IRS1: variants seen among roughly 807,000 people sequenced by gnomAD.
The protein encoded by IRS1 is insulin receptor substrate 1.
Under a neutral mutation model 65.6 loss-of-function variants are expected in IRS1, and 34 were observed. The observed-to-expected ratio is 0.52, with a 90% CI of 0.39 to 0.69. The LOEUF (loss-of-function observed/expected upper bound fraction) is 0.69, where lower values mean the gene tolerates loss of function less well. Ranked by LOEUF, IRS1 falls within the 30% of genes least tolerant of loss-of-function variation. IRS1 has a pLI of 0.00. For missense variants in IRS1, 1,641 were observed against 1,720.2 expected (o/e 0.95, Z 0.81); for synonymous variants, 699 against 683.5 (o/e 1.02, Z -0.35).
intron 1 of IRS1, among the ~76,000 whole-genome samples, chr2:226,785,941 C>A (rs150498671): frequency 7.8e-6 from 1 of 127,568 alleles, no homozygotes; most frequent in Non-Finnish European, 1.6e-5. Flanking sequence ...CCCCTTCCTG[C>A]GTCCATGTGA....
At chr2:226,782,150 G>T (rs75992938) in intron 1 of IRS1, among the ~76,000 whole-genome samples, 1,702 of 152,110 alleles carry the variant, frequency 0.011, 72 homozygotes, top group Admixed American at 0.082. Flanking sequence ...GGTGGGTTAG[G>T]GGGGTGGACT....
At position 226,796,612 on chromosome 2, in the gene IRS1, A is replaced by G. The variant is rs1472015259; in HGVS notation, c.2127T>C (p.His709=). 2 of 1,613,888 alleles carry G rather than the reference A, an allele frequency of 1.2e-6. No individual in the cohort carries two copies. The highest frequency in any genetic ancestry group is 1.3e-5 in the African/African-American group (1 of 74,920). The stretch of plus-strand genomic sequence containing the variant: ...CTGGGGGTTTGGGGTGAGGCAAGAC[A>G]TGAGAGTGGTGGCCCCCTACCCCGT... ...WTNGVGGHHS[H]VLPHPKPPVE... Residue 709 remains histidine, a synonymous_variant, in exon 1 of 2, where the codon CAT becomes CAC. Transcript: ENST00000305123.
At chr2:226,763,973 G>A (rs925097286) in intron 1 of IRS1, among the ~76,000 whole-genome samples, 2 of 151,972 alleles carry the variant, frequency 1.3e-5, no homozygotes, top group African/African-American at 4.8e-5. Flanking sequence ...TATGACCGTT[G>A]TATAGTAAAT....
intron 1 of IRS1, among the ~76,000 whole-genome samples, chr2:226,779,907 C>T (rs1027647256): frequency 6.6e-6 from 1 of 152,178 alleles, no homozygotes; most frequent in Non-Finnish European, 1.5e-5. Flanking sequence ...AAGGTAACAT[C>T]TTAGCAGAGT....
intron 1 of IRS1, among the ~76,000 whole-genome samples, chr2:226,743,929 C>CT (rs1017023627): frequency 2.0e-5 from 3 of 152,172 alleles, no homozygotes; most frequent in African/African-American, 7.2e-5. Flanking sequence ...ACTGCCTTTG[C>CT]TTTTTTTGTT....
chr2:226,768,294 A>C (rs1397666187), intron 1 of IRS1, among the ~76,000 whole-genome samples: 1 of 152,096 alleles, frequency 6.6e-6, no homozygotes, highest in Non-Finnish European at 1.5e-5. Flanking sequence ...AATAATAAAA[A>C]CTCCACGAAC....
intron 1 of IRS1, among the ~76,000 whole-genome samples, chr2:226,767,027 A>G (rs1291578953): frequency 6.6e-6 from 1 of 152,212 alleles, no homozygotes; most frequent in Non-Finnish European, 1.5e-5. Context: ...GTTAAAAAAA[A>G]AAAAGGCAAT....
rs141386731 is a variant in IRS1 at position 226,774,700 on chromosome 2, G to A, written c.*21+20289C>T. Among the ~76,000 whole-genome samples, 10 of 152,318 alleles carry A rather than the reference G, an allele frequency of 6.6e-5. No individual in the cohort carries two copies. The East Asian group carries it at 1.5e-3, about 23-fold the overall frequency. ...CATGTAGAGAAACATTTCATAACAGGTTGGTGGTCTAGGTAAATAAACTAT... is the reference window on the plus strand; with the variant it reads ...CATGTAGAGAAACATTTCATAACAGATTGGTGGTCTAGGTAAATAAACTAT... On this transcript the variant is annotated intron_variant, in intron 1 of 1. Transcript: ENST00000305123.
At position 226,799,081 on chromosome 2, in the gene IRS1, CG is replaced by C; in HGVS notation, c.-344del. ...AGCGAAGATGCATCTCTCGTCGCCC[CG>C]GCTGGAGTCCGGCACAGGGAGGCGA... On this transcript the variant is annotated 5_prime_UTR_variant, in exon 1 of 2. The change abolishes the stop of an existing upstream ORF in the 5' untranslated region. Transcript: ENST00000305123. The surrounding 1 kb of genome is among the most constrained non-coding windows in gnomAD (Gnocchi z 6.1). 1 of 1,241,266 alleles carries C rather than the reference CG, an allele frequency of 8.1e-7. No individual in the cohort carries two copies. Among genetic ancestry groups the C allele is most frequent in the Non-Finnish European group, 1.0e-6 (1 of 974,706 alleles). The allele number at this position is 1,241,266 out of a possible 1,614,324, so 76.9% of individuals were successfully genotyped here. A position where few individuals can be genotyped will look rare whatever the true frequency, so the allele number is the denominator to read the frequency against.
intron 1 of IRS1, among the ~76,000 whole-genome samples, chr2:226,748,122 C>CA (rs34926444): frequency 0.01 from 1,350 of 129,710 alleles, 11 homozygotes; most frequent in Middle Eastern, 0.057. Context: ...TCTGAGAGTC[C>CA]AAAAAAAAAA....
chr2:226,756,856 G>A (rs1297592344), intron 1 of IRS1, among the ~76,000 whole-genome samples: 1 of 152,128 alleles, frequency 6.6e-6, no homozygotes, highest in Admixed American at 6.5e-5. Context: ...CAGCTACTCG[G>A]GAGGCTGAGA....
Position 226,799,387 on chromosome 2 carries a change from T to TGCCGCC in IRS1, c.-650_-649insGGCGGC, listed in dbSNP as rs1553535510. ...CTGTTGCTGCTGCTGCTGCTGCTGC[T>TGCCGCC]GCTGCCGCCGCCCGCGGGCGCGTCC... On this transcript the variant is annotated 5_prime_UTR_variant, in exon 1 of 2. Transcript: ENST00000305123. This position sits in a 1 kb window ranked among gnomAD's most constrained non-coding sequence, Gnocchi z 6.1. The TGCCGCC allele has an allele frequency of 3.2e-6, 4 of 1,262,416 alleles. No individual in the cohort carries two copies. In the African/African-American group the frequency reaches 6.6e-5, roughly 21 times the overall value. The allele number at this position is 1,262,416 out of a possible 1,614,324, so 78.2% of individuals were successfully genotyped here. A position where few individuals can be genotyped will look rare whatever the true frequency, so the allele number is the denominator to read the frequency against.
intron 1 of IRS1, among the ~76,000 whole-genome samples, chr2:226,788,268 C>T (rs1939524563): frequency 6.6e-6 from 1 of 152,072 alleles, no homozygotes; most frequent in South Asian, 2.1e-4. Context: ...ATAAAACATT[C>T]CTGGTAGAGT....
chr2:226,796,413 G>T lies in IRS1; in HGVS notation c.2326C>A (p.Arg776Ser). The change falls in exon 1 of 2, where the codon CGC becomes AGC. Residue 776 changes from arginine (R) to serine (S), a missense_variant. By Grantham distance (110) the Arg-to-Ser change is moderately radical. Around this residue, in one of 3 missense-constraint regions of IRS1, gnomAD observed 1,324 missense variants for 1,361.0 expected, o/e 0.97. Transcript: ENST00000305123. The stretch of plus-strand genomic sequence containing the variant: ...GCACCCTCCTCCGGCTCCCCGGGGC[G>T]CTGGGTGTGCTTAAAGGATCTTGGC... ...SLPRSFKHTQ[R>S]PGEPEEGARH... 1.2e-6 allele frequency: 2 copies of T among 1,613,410 alleles called. No individual in the cohort carries two copies. The highest frequency in any genetic ancestry group is 1.3e-5 in the African/African-American group (1 of 75,076).
At chr2:226,785,682 C>A (rs1939472722) in intron 1 of IRS1, among the ~76,000 whole-genome samples, 1 of 152,156 alleles carries the variant, frequency 6.6e-6, no homozygotes, top group Non-Finnish European at 1.5e-5. Context: ...AAAACCAGAT[C>A]ATTTTTTAAC....
At chr2:226,763,492 T>G (rs1938962584) in intron 1 of IRS1, among the ~76,000 whole-genome samples, 1 of 152,154 alleles carries the variant, frequency 6.6e-6, no homozygotes, top group African/African-American at 2.4e-5. Context: ...AACGTGAAAA[T>G]GAAACGAGCA....
chr2:226,749,038 G>A (rs745863237), intron 1 of IRS1, among the ~76,000 whole-genome samples: 4 of 152,006 alleles, frequency 2.6e-5, no homozygotes, highest in East Asian at 3.8e-4. Flanking sequence ...AGCCTGAGAC[G>A]CTGACAAAAT....
chr2:226,750,677 G>A (rs1344854249), intron 1 of IRS1, among the ~76,000 whole-genome samples: 3 of 152,142 alleles, frequency 2.0e-5, no homozygotes, highest in Non-Finnish European at 4.4e-5. Context: ...ACTATACTTG[G>A]TAATATCCTA....
At chr2:226,778,922 G>A (rs1337262829) in intron 1 of IRS1, among the ~76,000 whole-genome samples, 2 of 152,124 alleles carry the variant, frequency 1.3e-5, no homozygotes, top group Admixed American at 6.5e-5. Context: ...TCACAAAAAT[G>A]TGCCCTGGGA....
Sources: gnomAD v4.1 joint callset for allele counts (sites outside exome capture counted in the v4.1 genomes callset) on GRCh38, gnomAD v4.1.1 for gene constraint, gnomAD v4.1.1 regional missense constraint, Gnocchi (gnomAD v3.1) non-coding constraint, MANE v1.5 for transcripts, NCBI Gene and HGNC (gene_info 2026-07-23, HGNC 2026-07-21) for gene names.